The following JADE1 variants were observed in gnomAD, a reference collection of about 807,000 sequenced individuals.
The protein encoded by JADE1 is protein Jade-1.
In JADE1, 14 loss-of-function variants were observed where a neutral mutation model predicts 81.8. The observed-to-expected ratio is 0.17, with a 90% CI of 0.11 to 0.27. JADE1 has a LOEUF of 0.27. Among genes scored for constraint, JADE1 ranks in the 10% least tolerant of loss-of-function variants. The probability of loss-of-function intolerance (pLI) is 1.00; values close to 1 mark genes in which losing one functional copy is unlikely to be tolerated. For missense variants in JADE1, 690 were observed against 1,047.9 expected (o/e 0.66, Z 4.71); for synonymous variants, 353 against 391.9 (o/e 0.90, Z 1.17).
At chr4:128,849,208 G>T in intron 5 of JADE1, 41 bp downstream of exon 5, 1 of 1,524,340 alleles carries the variant, frequency 6.6e-7, no homozygotes, top group South Asian at 1.2e-5. Context: ...AACCAATGAT[G>T]AATAGAGACA....
chr4:128,816,433 C>A (rs2125790509), intron 1 of JADE1: 1 of 152,206 alleles, frequency 6.6e-6, no homozygotes, highest in Admixed American at 6.5e-5. Context: ...CCTTGGAGGG[C>A]CTTTTTAATT....
At chr4:128,835,550 G>A (rs1303544918) in intron 2 of JADE1, among the ~76,000 whole-genome samples, 1 of 152,170 alleles carries the variant, frequency 6.6e-6, no homozygotes, top group East Asian at 1.9e-4. Flanking sequence ...CACAAAATGA[G>A]CCCTACCTGG....
rs1417724271 is a variant in JADE1, at chr4:128,873,474, A to G, written c.*1212A>G. The G allele has an allele frequency of 6.6e-6, 1 of 152,612 alleles. No individual in the cohort carries two copies. Among genetic ancestry groups the G allele is most frequent in the Admixed American group, 6.5e-5 (1 of 15,276 alleles). The allele number at this position is 152,612 out of a possible 1,614,324, so 9.5% of individuals were successfully genotyped here. A position where few individuals can be genotyped will look rare whatever the true frequency, so the allele number is the denominator to read the frequency against. ...TCTAATTTGTAACTTGGACTTTCTAATTGCAAATGGCAATAACTATTAAGT... is the reference window on the plus strand; with the variant it reads ...TCTAATTTGTAACTTGGACTTTCTAGTTGCAAATGGCAATAACTATTAAGT... On this transcript the variant is annotated 3_prime_UTR_variant, in exon 11 of 11. Coordinates refer to ENST00000226319, the MANE Select transcript of JADE1 (RefSeq NM_199320.4).
chr4:128,814,502 A>ATGCATG (rs1409381490), intron 1 of JADE1, among the ~76,000 whole-genome samples: 2 of 152,102 alleles, frequency 1.3e-5, no homozygotes, highest in African/African-American at 4.8e-5. Flanking sequence ...ATAATTTTCT[A>ATGCATG]TGCATGTGCA....
chr4:128,821,103 G>C (rs1296299717), intron 1 of JADE1, among the ~76,000 whole-genome samples: 1 of 151,826 alleles, frequency 6.6e-6, no homozygotes, highest in Non-Finnish European at 1.5e-5. Flanking sequence ...ATAGAAATTA[G>C]TACCTGGTTC....
intron 3 of JADE1, among the ~76,000 whole-genome samples, chr4:128,843,839 G>A (rs1257301256): frequency 6.6e-6 from 1 of 152,160 alleles, no homozygotes; most frequent in African/African-American, 2.4e-5. Flanking sequence ...TTCCTTGGAG[G>A]AACTTCCCAG....
chr4:128,868,441 G>A (rs1731944411), intron 10 of JADE1, among the ~76,000 whole-genome samples: 1 of 152,194 alleles, frequency 6.6e-6, no homozygotes, highest in South Asian at 2.1e-4. Context: ...TCCATTTTTA[G>A]ATAATGTTCA....
intron 9 of JADE1, among the ~76,000 whole-genome samples, chr4:128,865,302 T>C (rs1393938320): frequency 6.6e-6 from 1 of 152,226 alleles, no homozygotes; most frequent in Non-Finnish European, 1.5e-5. Context: ...TGCAGATTCA[T>C]GGGCCCCACC....
At chr4:128,867,239 A>T (rs1167053734) in intron 9 of JADE1, among the ~76,000 whole-genome samples, 1 of 152,236 alleles carries the variant, frequency 6.6e-6, no homozygotes, top group Non-Finnish European at 1.5e-5. Context: ...ATAGCAACAC[A>T]TAAGCTACCT....
chr4:128,862,159 G>A lies in JADE1; in HGVS notation c.1437G>A (p.Lys479=). Residue 479 remains lysine (K), a synonymous_variant, in exon 9 of 11, where the codon AAG becomes AAA. Coordinates refer to ENST00000226319, the MANE Select transcript of JADE1 (RefSeq NM_199320.4). The part of the protein sequence containing the change: ...PKKDEEDNLA[K]REQDVLFRRL... Reference sequence around the variant, plus strand: ...AAGATGAAGAGGACAATCTAGCCAAGCGGGAGCAGGATGTCTTATTTAGGA... The same window carrying A: ...AAGATGAAGAGGACAATCTAGCCAAACGGGAGCAGGATGTCTTATTTAGGA... 1.2e-6 allele frequency: 2 copies of A among 1,614,214 alleles called. No individual in the cohort carries two copies. Among genetic ancestry groups the A allele is most frequent in the African/African-American group, 1.3e-5 (1 of 75,046 alleles).
At chr4:128,869,826 G>A (rs970597464) in intron 10 of JADE1, among the ~76,000 whole-genome samples, 1 of 152,202 alleles carries the variant, frequency 6.6e-6, no homozygotes, top group African/African-American at 2.4e-5. Context: ...GAGTAATGCA[G>A]TTGAAACCCT....
chr4:128,827,089 C>T (rs1418728225), intron 1 of JADE1, among the ~76,000 whole-genome samples: 2 of 152,144 alleles, frequency 1.3e-5, no homozygotes, highest in Non-Finnish European at 2.9e-5. Flanking sequence ...CTCCTATCCA[C>T]CGGCCCCACC....
intron 9 of JADE1, chr4:128,862,539 A>G: frequency 8.4e-7 from 1 of 1,190,746 alleles, no homozygotes; most frequent in Non-Finnish European, 1.0e-6. Context: ...CTAGAGCTAG[A>G]GTGAATGAGC....
At chr4:128,867,586 T>C (rs1295945972) in intron 9 of JADE1, among the ~76,000 whole-genome samples, 3 of 152,222 alleles carry the variant, frequency 2.0e-5, no homozygotes, top group Non-Finnish European at 4.4e-5. Context: ...AGGACTTTTG[T>C]AGGAGTTCTC....
intron 1 of JADE1, among the ~76,000 whole-genome samples, chr4:128,812,614 C>G (rs1726567488): frequency 6.6e-6 from 1 of 152,196 alleles, no homozygotes. Flanking sequence ...GGTTTCCCAC[C>G]CCAAGCGGGT....
At chr4:128,860,567 G>A (rs549098590) in intron 8 of JADE1, among the ~76,000 whole-genome samples, 28 of 152,318 alleles carry the variant, frequency 1.8e-4, no homozygotes, top group Non-Finnish European at 3.2e-4. Flanking sequence ...GGCATGCCCC[G>A]GTGATCACTT....
intron 8 of JADE1, among the ~76,000 whole-genome samples, chr4:128,858,393 C>T (rs1266528235): frequency 2.0e-5 from 3 of 152,024 alleles, no homozygotes; most frequent in African/African-American, 4.8e-5. Flanking sequence ...CTAGCACAGG[C>T]CACAGGCTCT....
chr4:128,858,607 T>C (rs1731000499), intron 8 of JADE1, among the ~76,000 whole-genome samples: 1 of 151,256 alleles, frequency 6.6e-6, no homozygotes, highest in South Asian at 2.1e-4. Flanking sequence ...TTTAAAATTT[T>C]TTTTTTTTTT....
At chr4:128,856,397 C>T (rs187536221) in intron 7 of JADE1, among the ~76,000 whole-genome samples, 6 of 152,198 alleles carry the variant, frequency 3.9e-5, no homozygotes, top group South Asian at 2.1e-4. Context: ...GCCTTCCCAT[C>T]GCGACTCTCA....
Sources: allele counts gnomAD v4.1 joint callset (sites outside exome capture counted in the v4.1 genomes callset), GRCh38; gene constraint gnomAD v4.1.1; transcripts MANE v1.5; gene names NCBI Gene and HGNC (gene_info 2026-07-23, HGNC 2026-07-21).